ZZEF1: variants seen among roughly 807,000 people sequenced by gnomAD.
ZZEF1 encodes the protein zinc finger ZZ-type and EF-hand domain containing 1.
ZZEF1 carries 157 observed loss-of-function variants against 342.8 expected under a neutral mutation model. The observed-to-expected ratio is 0.46, with a 90% CI of 0.40 to 0.52. The LOEUF (loss-of-function observed/expected upper bound fraction) is 0.52. ZZEF1 is among the 20% of genes least tolerant of loss of function. The pLI, the probability that ZZEF1 is intolerant of heterozygous loss-of-function variation, is 0.00. For synonymous variants in ZZEF1, 1,505 were observed against 1,429.1 expected (o/e 1.05, Z -1.20); for missense variants, 3,480 against 3,725.6 (o/e 0.93, Z 1.72).
chr17:4,057,557 G>A (rs2057190924), intron 32 of ZZEF1, among the ~76,000 whole-genome samples: 1 of 152,140 alleles, frequency 6.6e-6, no homozygotes, highest in Non-Finnish European at 1.5e-5. Flanking sequence ...CTTATAATGT[G>A]CAAGAAGTTA....
chr17:4,079,330 G>C (rs2145320028), intron 18 of ZZEF1, among the ~76,000 whole-genome samples: 1 of 152,316 alleles, frequency 6.6e-6, no homozygotes, highest in East Asian at 1.9e-4. Context: ...AGACTGGTGA[G>C]GGGGAGAACT....
At position 4,042,622 on chromosome 17, in the gene ZZEF1, A is replaced by T. The variant is rs2056826670; in HGVS notation, c.6167-54T>A. 1.9e-6 allele frequency: 3 copies of T among 1,578,792 alleles called. No individual in the cohort carries two copies. The East Asian group carries it at 6.7e-5, about 35-fold the overall frequency. ...TGCCTGCATCTCCACATGTATGAAG[A>T]GGCAAGTAAACCACTGCACTGTCCC... On this transcript the variant is annotated intron_variant, in intron 38 of 54. Transcript: ENST00000381638.
Position 4,060,622 on chromosome 17 carries a change from C to T in ZZEF1, c.4884-1332G>A, listed in dbSNP as rs2057266734. ...AAAACACTCAACCCCCCACCCCCAC[C>T]AAAAAACCCCTTCCTGCTTCTCCTG... On this transcript the variant is annotated intron_variant, in intron 30 of 54. Transcript: ENST00000381638. 2.6e-5 allele frequency among the ~76,000 whole-genome samples: 4 copies of T among 151,792 alleles called. No individual in the cohort carries two copies. In the South Asian group the frequency reaches 8.3e-4, roughly 32 times the overall value.
At chr17:4,108,351 C>A (rs1457498390) in intron 6 of ZZEF1, among the ~76,000 whole-genome samples, 1 of 152,046 alleles carries the variant, frequency 6.6e-6, no homozygotes, top group Non-Finnish European at 1.5e-5. Context: ...TCAAATAAAC[C>A]AGAATTGAAG....
intron 4 of ZZEF1, 86 bp from the exon 5 acceptor site, chr17:4,112,894 CA>C: frequency 1.7e-6 from 2 of 1,181,244 alleles, no homozygotes; most frequent in Non-Finnish European, 1.2e-6. Context: ...AAAGAGCTTA[CA>C]TTTGATATAT....
chr17:4,111,691 T>G (rs1018666485), intron 5 of ZZEF1, among the ~76,000 whole-genome samples: 2 of 132,514 alleles, frequency 1.5e-5, no homozygotes, highest in Non-Finnish European at 3.2e-5. Context: ...ACATATATAT[T>G]ACACATATAA....
At position 4,041,097 on chromosome 17, in the gene ZZEF1, C is replaced by T. The variant is rs139913677; in HGVS notation, c.6306+1332G>A. Among the ~76,000 whole-genome samples the T allele has an allele frequency of 6.2e-3, 951 of 152,324 alleles. 7 individuals are homozygous for T. Among genetic ancestry groups the T allele is most frequent in the Middle Eastern group, 0.014 (4 of 294 alleles). On this transcript the variant is annotated intron_variant, in intron 39 of 54. Transcript: ENST00000381638. ...GGGCAGGCAAAGACCAGGATAGTGA[C>T]TGCACTGTCCAAGCCTGAGGGTACT...
intron 13 of ZZEF1, among the ~76,000 whole-genome samples, chr17:4,088,243 T>C (rs1406714784): frequency 2.6e-5 from 4 of 152,198 alleles, no homozygotes; most frequent in African/African-American, 7.2e-5. Context: ...TCAAAAAAGT[T>C]AGAAATCAAA....
At chr17:4,118,442 A>G (rs1270988770) in intron 2 of ZZEF1, among the ~76,000 whole-genome samples, 3 of 152,142 alleles carry the variant, frequency 2.0e-5, no homozygotes, top group Non-Finnish European at 4.4e-5. Context: ...TGATTCACCT[A>G]TGGGGGTCTG....
chr17:4,036,794 C>A lies in ZZEF1; in HGVS notation c.6307-2502G>T, dbSNP rs976031658. Among the ~76,000 whole-genome samples, 15 of 92,424 alleles carry A rather than the reference C, an allele frequency of 1.6e-4. No individual in the cohort carries two copies. The South Asian group carries it at 4.8e-3, about 30-fold the overall frequency. The allele number at this position is 92,424 out of a possible 152,430, so 60.6% of individuals were successfully genotyped here. Reference sequence around the variant, plus strand: ...TATAGAATACACACACACACACACACACACACACACACACACACACACACT... The same window carrying A: ...TATAGAATACACACACACACACACAAACACACACACACACACACACACACT... On this transcript the variant is annotated intron_variant, in intron 39 of 54. Coordinates refer to ENST00000381638, the MANE Select transcript of ZZEF1 (RefSeq NM_015113.4).
chr17:4,020,900 G>A (rs2056251553), intron 45 of ZZEF1, among the ~76,000 whole-genome samples: 2 of 152,226 alleles, frequency 1.3e-5, no homozygotes, highest in South Asian at 4.1e-4. Context: ...TGGGGAGAGA[G>A]GACCTAAAGC....
At position 4,010,724 on chromosome 17, in the gene ZZEF1, C is replaced by CAAAA. The variant is rs58349682; in HGVS notation, c.8580-971_8580-968dup. On this transcript the variant is annotated intron_variant, in intron 52 of 54. Transcript: ENST00000381638. ...CAAGTGACAGTGTGAGATTCCGTCT[C>CAAAA]AAAAAAAAAAAGAAAAAGAAAAAAG... is the stretch of plus-strand genomic sequence containing the variant. 4.7e-3 allele frequency among the ~76,000 whole-genome samples: 399 copies of CAAAA among 85,242 alleles called. 24 individuals are homozygous for CAAAA. The highest frequency in any genetic ancestry group is 0.04 in the East Asian group (134 of 3,310). The allele number at this position is 85,242 out of a possible 152,430, so 55.9% of individuals were successfully genotyped here. A position where few individuals can be genotyped will look rare whatever the true frequency, so the allele number is the denominator to read the frequency against.
At chr17:4,036,817 A>ACACACACACACTCT (rs754105162) in intron 39 of ZZEF1, among the ~76,000 whole-genome samples, 4 of 72,618 alleles carry the variant, frequency 5.5e-5, no homozygotes, top group Non-Finnish European at 1.0e-4. Flanking sequence ...ACACACACAC[A>ACACACACACACTCT]CTCTCTCTCT....
intron 43 of ZZEF1, among the ~76,000 whole-genome samples, chr17:4,023,953 A>G (rs2056336143): frequency 6.6e-6 from 1 of 152,178 alleles, no homozygotes; most frequent in Admixed American, 6.5e-5. Flanking sequence ...CTGAAATGCC[A>G]CTGAGGCCAG....
intron 1 of ZZEF1, among the ~76,000 whole-genome samples, chr17:4,140,608 A>G (rs768115894): frequency 2.6e-5 from 4 of 152,216 alleles, no homozygotes; most frequent in East Asian, 1.9e-4. Context: ...TCAGTGAACA[A>G]TAATGCCACA....
At chr17:4,097,922 C>G (rs2058064242) in intron 9 of ZZEF1, among the ~76,000 whole-genome samples, 1 of 82,416 alleles carries the variant, frequency 1.2e-5, no homozygotes, top group Admixed American at 1.4e-4. Flanking sequence ...GACCCCATTT[C>G]TACCAAAAAA....
At chr17:4,013,419 C>T in intron 52 of ZZEF1, 30 bp downstream of exon 52, 1 of 1,549,556 alleles carries the variant, frequency 6.5e-7, no homozygotes, top group Non-Finnish European at 8.8e-7. Context: ...ATATGCCTGG[C>T]AAAGGGCTGC....
rs759151994 is a variant in ZZEF1, at chr17:4,104,818, G to A, written c.1395-7C>T. On this transcript the variant is annotated splice_polypyrimidine_tract_variant and splice_region_variant and intron_variant, in intron 7 of 54. Coordinates refer to ENST00000381638, the MANE Select transcript of ZZEF1 (RefSeq NM_015113.4). ...CTCTGGGGTAGAACAGCAGCTATAAGCAAAGAGCAAAAACTTTTCACTTCT... is the reference window on the plus strand; with the variant it reads ...CTCTGGGGTAGAACAGCAGCTATAAACAAAGAGCAAAAACTTTTCACTTCT... 1.2e-6 allele frequency: 2 copies of A among 1,607,496 alleles called. No homozygotes were observed. The highest frequency in any genetic ancestry group is 1.1e-5 in the South Asian group (1 of 89,786).
At chr17:4,071,217 A>C (rs991040881) in intron 25 of ZZEF1, 1 of 310,458 alleles carries the variant, frequency 3.2e-6, no homozygotes, top group Non-Finnish European at 5.9e-6. Flanking sequence ...CTGGTAGGTT[A>C]AAGTAATTAA....
Sources: gnomAD v4.1 joint callset for allele counts (sites outside exome capture counted in the v4.1 genomes callset) on GRCh38, gnomAD v4.1.1 for gene constraint, MANE v1.5 for transcripts, NCBI Gene and HGNC (gene_info 2026-07-23, HGNC 2026-07-21) for gene names.